Variants in KCNC2 observed in about 807,000 individuals in gnomAD.
The protein encoded by KCNC2 is potassium voltage-gated channel subfamily C member 2.
Under a neutral mutation model 44.5 loss-of-function variants are expected in KCNC2, and 21 were observed. The observed-to-expected ratio is 0.47, with a 90% CI of 0.33 to 0.68. The LOEUF (loss-of-function observed/expected upper bound fraction) is 0.68. Ranked by LOEUF, KCNC2 falls within the 30% of genes least tolerant of loss-of-function variation. The pLI is 0.01. For missense variants in KCNC2, 589 were observed against 826.2 expected (o/e 0.71, Z 3.52); for synonymous variants, 391 against 339.1 (o/e 1.15, Z -1.68).
chr12:75,061,708 A>T (rs150535604), intron 2 of KCNC2, among the ~76,000 whole-genome samples: 2,183 of 152,166 alleles, frequency 0.014, 23 homozygotes, highest in Middle Eastern at 0.044. Flanking sequence ...CTTAACAGTG[A>T]GTCCTAACGT....
rs377111863 is a variant in KCNC2, at chr12:75,098,623, G to T, written c.688-47306C>A. Among the ~76,000 whole-genome samples the T allele has an allele frequency of 3.9e-5, 6 of 152,202 alleles. 1 individual carries two copies. The South Asian group carries it at 1.2e-3, about 32-fold the overall frequency. ...AAATTACAGAAATTAGCCAGGCATG[G>T]TGGTGGACACCTGTAATCCCAGCTG... On this transcript the variant is annotated intron_variant, in intron 2 of 4. Coordinates refer to ENST00000549446, the MANE Select transcript of KCNC2 (RefSeq NM_139137.4).
chr12:75,070,736 A>G (rs1395268167), intron 2 of KCNC2, among the ~76,000 whole-genome samples: 1 of 151,922 alleles, frequency 6.6e-6, no homozygotes, highest in African/African-American at 2.4e-5. Context: ...TAAAATTTAT[A>G]TCTTTTTAGT....
At chr12:75,112,533 T>A (rs1037926047) in intron 2 of KCNC2, among the ~76,000 whole-genome samples, 1 of 152,070 alleles carries the variant, frequency 6.6e-6, no homozygotes, top group African/African-American at 2.4e-5. Context: ...ATTCTCTCCA[T>A]TTACTTCTTT....
chr12:75,176,305 T>C (rs911112207), intron 2 of KCNC2, among the ~76,000 whole-genome samples: 1 of 151,994 alleles, frequency 6.6e-6, no homozygotes, highest in African/African-American at 2.4e-5. Context: ...GAGAGGCAGT[T>C]TGGGCTTAAC....
intron 2 of KCNC2, among the ~76,000 whole-genome samples, chr12:75,200,599 A>G (rs1288549465): frequency 6.6e-6 from 1 of 151,820 alleles, no homozygotes; most frequent in Non-Finnish European, 1.5e-5. Context: ...ATTTGAATAT[A>G]TATTCTTTTT....
intron 2 of KCNC2, among the ~76,000 whole-genome samples, chr12:75,186,187 A>AT (rs1367526360): frequency 6.6e-6 from 1 of 151,914 alleles, no homozygotes; most frequent in Non-Finnish European, 1.5e-5. Flanking sequence ...ACCTTGGGAA[A>AT]TTTTTTTCTG....
At chr12:75,076,568 G>A (rs1355762090) in intron 2 of KCNC2, among the ~76,000 whole-genome samples, 1 of 152,104 alleles carries the variant, frequency 6.6e-6, no homozygotes, top group African/African-American at 2.4e-5. Flanking sequence ...CACCGCGCCT[G>A]GCCTCAGAAC....
chr12:75,042,230 A>G lies in KCNC2; in HGVS notation c.*875T>C. Reference sequence around the variant, plus strand: ...TATTTTTTTTTTTTAAAGAGTCTAGAACCAAGCAGCAATTTCTGGCTAAAC... The same window carrying G: ...TATTTTTTTTTTTTAAAGAGTCTAGGACCAAGCAGCAATTTCTGGCTAAAC... On this transcript the variant is annotated 3_prime_UTR_variant, in exon 5 of 5. Coordinates refer to ENST00000549446, the MANE Select transcript of KCNC2 (RefSeq NM_139137.4). 6.4e-7 allele frequency: 1 copy of G among 1,572,712 alleles called. No individual in the cohort carries two copies. Among genetic ancestry groups the G allele is most frequent in the Non-Finnish European group, 8.6e-7 (1 of 1,162,426 alleles).
chr12:75,170,965 T>C (rs1189796948), intron 2 of KCNC2, among the ~76,000 whole-genome samples: 1 of 151,768 alleles, frequency 6.6e-6, no homozygotes, highest in Non-Finnish European at 1.5e-5. Context: ...AGTTCCTGTA[T>C]TCTTGCTAGC....
intron 2 of KCNC2, among the ~76,000 whole-genome samples, chr12:75,204,260 G>A (rs750984489): frequency 1.3e-5 from 2 of 151,766 alleles, no homozygotes; most frequent in African/African-American, 2.4e-5. Flanking sequence ...CCTCATATAC[G>A]TATTTACTTC....
At chr12:75,114,780 G>A (rs1887520895) in intron 2 of KCNC2, among the ~76,000 whole-genome samples, 1 of 149,972 alleles carries the variant, frequency 6.7e-6, no homozygotes, top group Non-Finnish European at 1.5e-5. Context: ...AACTCCTGCC[G>A]TCTTTTAGAA....
At chr12:75,150,084 C>A (rs183369556) in intron 2 of KCNC2, among the ~76,000 whole-genome samples, 1 of 151,972 alleles carries the variant, frequency 6.6e-6, no homozygotes, top group East Asian at 1.9e-4. Context: ...TGACATTCTG[C>A]ACCTCTATCC....
At chr12:75,121,543 C>T (rs1175878325) in intron 2 of KCNC2, among the ~76,000 whole-genome samples, 5 of 152,252 alleles carry the variant, frequency 3.3e-5, no homozygotes, top group Non-Finnish European at 5.9e-5. Flanking sequence ...GAAGTGATTG[C>T]CTTTGTCACA....
At chr12:75,155,469 A>C (rs1592986092) in intron 2 of KCNC2, among the ~76,000 whole-genome samples, 1 of 151,996 alleles carries the variant, frequency 6.6e-6, no homozygotes, top group East Asian at 1.9e-4. Context: ...CAAGAGAATG[A>C]AGTCAGTACA....
At chr12:75,115,602 A>G (rs972085524) in intron 2 of KCNC2, among the ~76,000 whole-genome samples, 2 of 152,200 alleles carry the variant, frequency 1.3e-5, no homozygotes, top group African/African-American at 4.8e-5. Flanking sequence ...TCTCCTCTGC[A>G]TATCAAAGTC....
At chr12:75,062,614 G>A (rs1474478802) in intron 2 of KCNC2, among the ~76,000 whole-genome samples, 2 of 151,964 alleles carry the variant, frequency 1.3e-5, no homozygotes, top group Non-Finnish European at 2.9e-5. Flanking sequence ...TGCATGCATG[G>A]ACAAATATGA....
chr12:75,088,341 T>G (rs1885195602), intron 2 of KCNC2, among the ~76,000 whole-genome samples: 1 of 152,084 alleles, frequency 6.6e-6, no homozygotes, highest in South Asian at 2.1e-4. Context: ...ATGTAAGTAT[T>G]TAACTTGTCT....
intron 2 of KCNC2, among the ~76,000 whole-genome samples, chr12:75,062,859 C>A (rs1882478955): frequency 6.6e-6 from 1 of 151,956 alleles, no homozygotes; most frequent in East Asian, 1.9e-4. Context: ...ATCCAAAGTG[C>A]CTCGTTTTCA....
intron 4 of KCNC2, among the ~76,000 whole-genome samples, chr12:75,047,674 C>A (rs1880679882): frequency 6.6e-6 from 1 of 151,936 alleles, no homozygotes; most frequent in Non-Finnish European, 1.5e-5. Flanking sequence ...CTGGCAAAAA[C>A]TACCTATGTA....
Sources: allele counts gnomAD v4.1 joint callset (sites outside exome capture counted in the v4.1 genomes callset), GRCh38; gene constraint gnomAD v4.1.1; transcripts MANE v1.5; gene names NCBI Gene and HGNC (gene_info 2026-07-23, HGNC 2026-07-21).